RNF217: variants seen among roughly 807,000 people sequenced by gnomAD.
The protein encoded by RNF217 is E3 ubiquitin-protein ligase RNF217.
A neutral mutation model predicts 57.8 loss-of-function variants in RNF217; 31 were observed. That is an observed-to-expected ratio of 0.54 (90% CI 0.40 to 0.72). The LOEUF (loss-of-function observed/expected upper bound fraction) is 0.72, where lower values mean the gene tolerates loss of function less well. Ranked by LOEUF, RNF217 falls within the 30% of genes least tolerant of loss-of-function variation. The pLI, the probability that RNF217 is intolerant of heterozygous loss-of-function variation, is 0.00. For synonymous variants in RNF217, 313 were observed against 294.0 expected (o/e 1.06, Z -0.66); for missense variants, 696 against 708.3 (o/e 0.98, Z 0.20).
At chr6:125,040,125 A>C (rs1298050470) in intron 1 of RNF217, among the ~76,000 whole-genome samples, 2 of 151,998 alleles carry the variant, frequency 1.3e-5, no homozygotes, top group Non-Finnish European at 2.9e-5. Flanking sequence ...GACATGAAAA[A>C]ACCTTCAAAA....
intron 1 of RNF217, among the ~76,000 whole-genome samples, chr6:125,001,538 A>G (rs1784983805): frequency 6.6e-6 from 1 of 152,238 alleles, no homozygotes; most frequent in Non-Finnish European, 1.5e-5. Context: ...ATAATTAAGT[A>G]AACTTATTCC....
intron 2 of RNF217, among the ~76,000 whole-genome samples, chr6:125,050,078 G>C (rs1787253117): frequency 6.6e-6 from 1 of 151,868 alleles, no homozygotes; most frequent in African/African-American, 2.4e-5. Flanking sequence ...GTTCTTTATG[G>C]AAGAGAGGAG....
chr6:125,027,403 C>A (rs756266053), intron 1 of RNF217, among the ~76,000 whole-genome samples: 4 of 152,108 alleles, frequency 2.6e-5, no homozygotes, highest in Non-Finnish European at 4.4e-5. Context: ...TGAGAACATG[C>A]AATGTTTGTC....
chr6:125,083,788 G>C lies in RNF217; in HGVS notation c.*851G>C, dbSNP rs1324891890. 5 of 151,998 alleles carry C rather than the reference G, an allele frequency of 3.3e-5. No homozygotes were observed. The highest frequency in any genetic ancestry group is 1.2e-4 in the African/African-American group (5 of 41,416). The allele number at this position is 151,998 out of a possible 1,614,324, so 9.4% of individuals were successfully genotyped here. On this transcript the variant is annotated 3_prime_UTR_variant, in exon 6 of 6. Transcript: ENST00000521654. ...TTGTCACACAAACACAGAAATTTGT[G>C]CAACGTCACCCCAAGGAGTATTAAG...
Position 124,962,643 on chromosome 6 carries a change from T to C in RNF217, c.99T>C (p.Pro33=), listed in dbSNP as rs1783326075. ...CGGGCCACCCTGAGCCCCCGAGGCC[T>C]CAGGGGGACAGCGCCCGGGCGCCCC... ...GTAGHPEPPR[P]QGDSARAPPL... Residue 33 remains proline (P), a synonymous_variant, in exon 1 of 6, where the codon CCT becomes CCC. Coordinates refer to ENST00000521654, the MANE Select transcript of RNF217 (RefSeq NM_001286398.3). The surrounding 1 kb of genome is among the most constrained non-coding windows in gnomAD (Gnocchi z 4.6). 7.5e-7 allele frequency: 1 copy of C among 1,328,594 alleles called. No individual in the cohort carries two copies. The highest frequency in any genetic ancestry group is 9.5e-7 in the Non-Finnish European group (1 of 1,050,616). The allele number at this position is 1,328,594 out of a possible 1,614,324, so 82.3% of individuals were successfully genotyped here. A position where few individuals can be genotyped will look rare whatever the true frequency, so the allele number is the denominator to read the frequency against.
At chr6:125,044,370 T>A (rs2114529870) in intron 1 of RNF217, among the ~76,000 whole-genome samples, 1 of 152,258 alleles carries the variant, frequency 6.6e-6, no homozygotes, top group African/African-American at 2.4e-5. Flanking sequence ...TAGTTTATTT[T>A]AATCATTTAA....
intron 3 of RNF217, among the ~76,000 whole-genome samples, chr6:125,066,310 A>G (rs1355510850): frequency 6.6e-6 from 1 of 152,180 alleles, no homozygotes; most frequent in East Asian, 1.9e-4. Flanking sequence ...TTCCTATCTG[A>G]CACAGAGCAA....
chr6:125,088,013 T>C lies in RNF217; in HGVS notation c.*5076T>C, dbSNP rs1051634410. ...TAATATGGAAAATAAGTTACAAAATTCTTTTTTTTTTTTTTTTTTTTTTGA... is the reference window on the plus strand; with the variant it reads ...TAATATGGAAAATAAGTTACAAAATCCTTTTTTTTTTTTTTTTTTTTTTGA... On this transcript the variant is annotated 3_prime_UTR_variant, in exon 6 of 6. Coordinates refer to ENST00000521654, the MANE Select transcript of RNF217 (RefSeq NM_001286398.3). 7.1e-6 allele frequency: 1 copy of C among 141,142 alleles called. No homozygotes were observed. The highest frequency in any genetic ancestry group is 1.5e-5 in the Non-Finnish European group (1 of 66,086). 8.7% of individuals were successfully genotyped at this position (141,142 alleles called of 1,614,324 possible).
chr6:125,052,316 G>A (rs1297557803), intron 2 of RNF217, among the ~76,000 whole-genome samples: 6 of 145,808 alleles, frequency 4.1e-5, no homozygotes, highest in African/African-American at 1.7e-4. Context: ...GTGTGTGTGT[G>A]TGTGGTTTTA....
At chr6:124,978,880 G>A (rs1286011439) in intron 1 of RNF217, among the ~76,000 whole-genome samples, 1 of 152,220 alleles carries the variant, frequency 6.6e-6, no homozygotes, top group Non-Finnish European at 1.5e-5. Flanking sequence ...AAAGCTGTCA[G>A]CGGACAGGGC....
intron 1 of RNF217, among the ~76,000 whole-genome samples, chr6:124,979,490 CAA>C (rs1207937959): frequency 6.6e-6 from 1 of 152,066 alleles, no homozygotes; most frequent in East Asian, 1.9e-4. Context: ...GTCAGCAGAA[CAA>C]AGATACCAGC....
chr6:124,980,204 C>T (rs551601134), intron 1 of RNF217, among the ~76,000 whole-genome samples: 37 of 152,194 alleles, frequency 2.4e-4, no homozygotes, highest in Non-Finnish European at 4.3e-4. Context: ...ACATCTTTTG[C>T]GAAGATGTCC....
chr6:124,972,795 T>A (rs190938728), intron 1 of RNF217, among the ~76,000 whole-genome samples: 147 of 152,284 alleles, frequency 9.7e-4, no homozygotes, highest in African/African-American at 3.3e-3. Context: ...TATATCTAGA[T>A]TAAGCATCCT....
intron 1 of RNF217, among the ~76,000 whole-genome samples, chr6:125,029,244 T>C (rs530509679): frequency 1.6e-4 from 25 of 152,290 alleles, no homozygotes; most frequent in African/African-American, 5.5e-4. Flanking sequence ...AGAATGAGTT[T>C]GTTTTCTCCC....
chr6:124,995,259 T>C (rs575293075), intron 1 of RNF217, among the ~76,000 whole-genome samples: 1 of 152,132 alleles, frequency 6.6e-6, no homozygotes, highest in Admixed American at 6.6e-5. Flanking sequence ...TTAAAAACAA[T>C]AATAAAATGA....
intron 1 of RNF217, among the ~76,000 whole-genome samples, chr6:125,003,434 A>G (rs966559843): frequency 3.3e-5 from 5 of 152,210 alleles, no homozygotes; most frequent in African/African-American, 1.2e-4. Context: ...CAATGGTGAT[A>G]CAGTAACTAC....
At chr6:125,025,865 T>A (rs1228295550) in intron 1 of RNF217, among the ~76,000 whole-genome samples, 1 of 152,174 alleles carries the variant, frequency 6.6e-6, no homozygotes, top group East Asian at 1.9e-4. Flanking sequence ...GCTGATCCTG[T>A]TGGATTTTTA....
rs568189540 is a variant in RNF217, at chr6:125,041,065, T to C, written c.883-4146T>C. 3.9e-5 allele frequency among the ~76,000 whole-genome samples: 6 copies of C among 152,286 alleles called. No individual in the cohort carries two copies. In the East Asian group the frequency reaches 1.2e-3, roughly 29 times the overall value. ...AGGATGCTCTCTCTCACCACTCCTATTAATGATCTTTGTTCTGACTTCTGT... is the reference window on the plus strand; with the variant it reads ...AGGATGCTCTCTCTCACCACTCCTACTAATGATCTTTGTTCTGACTTCTGT... On this transcript the variant is annotated intron_variant, in intron 1 of 5. Coordinates refer to ENST00000521654, the MANE Select transcript of RNF217 (RefSeq NM_001286398.3).
At chr6:125,036,376 G>A (rs1261037613) in intron 1 of RNF217, among the ~76,000 whole-genome samples, 1 of 152,112 alleles carries the variant, frequency 6.6e-6, no homozygotes, top group Admixed American at 6.6e-5. Flanking sequence ...GAATAGTGCT[G>A]CAATAAACAT....
Sources: allele counts gnomAD v4.1 joint callset (sites outside exome capture counted in the v4.1 genomes callset), GRCh38; gene constraint gnomAD v4.1.1; non-coding constraint Gnocchi (gnomAD v3.1); transcripts MANE v1.5; gene names NCBI Gene and HGNC (gene_info 2026-07-23, HGNC 2026-07-21).